The following SUSD5 variants were observed in gnomAD, a reference collection of about 807,000 sequenced individuals.
The protein encoded by SUSD5 is sushi domain containing 5.
In SUSD5, 33 loss-of-function variants were observed where a neutral mutation model predicts 29.5. The observed-to-expected ratio is 1.12, with a 90% confidence interval of 0.85 to 1.49. The LOEUF (loss-of-function observed/expected upper bound fraction) is 1.49. Among genes scored for constraint, SUSD5 ranks in the 40% most tolerant of loss-of-function variants. The pLI, the probability that SUSD5 is intolerant of heterozygous loss-of-function variation, is 0.00. For synonymous variants in SUSD5, 308 were observed against 325.3 expected (o/e 0.95, Z 0.57); for missense variants, 776 against 800.6 (o/e 0.97, Z 0.37).
At chr3:33,197,783 T>C (rs139676416) in intron 3 of SUSD5, among the ~76,000 whole-genome samples, 1 of 152,354 alleles carries the variant, frequency 6.6e-6, no homozygotes, top group East Asian at 1.9e-4. Context: ...TCATCCATGC[T>C]TTTGCATGTA....
intron 3 of SUSD5, among the ~76,000 whole-genome samples, chr3:33,183,897 T>C: frequency 6.6e-6 from 1 of 151,006 alleles, no homozygotes. Context: ...GGGGTTTTTT[T>C]TCCTCTTAAC....
chr3:33,165,174 A>G (rs2031278948), intron 4 of SUSD5, among the ~76,000 whole-genome samples: 2 of 152,236 alleles, frequency 1.3e-5, no homozygotes, highest in Non-Finnish European at 1.5e-5. Context: ...AGAATGGAAT[A>G]CTCCAAAGCA....
At chr3:33,203,116 C>A (rs942893164) in intron 3 of SUSD5, among the ~76,000 whole-genome samples, 3 of 152,226 alleles carry the variant, frequency 2.0e-5, no homozygotes, top group African/African-American at 7.2e-5. Flanking sequence ...TCTGCCAAGG[C>A]GCTGCACCTT....
At chr3:33,215,555 T>C (rs1190938897) in intron 1 of SUSD5, among the ~76,000 whole-genome samples, 1 of 152,186 alleles carries the variant, frequency 6.6e-6, no homozygotes, top group African/African-American at 2.4e-5. Flanking sequence ...TTATGACAAC[T>C]CTATGATATA....
chr3:33,202,863 A>G lies in SUSD5; in HGVS notation c.409+4945T>C, dbSNP rs116028065. 9.3e-4 allele frequency among the ~76,000 whole-genome samples: 142 copies of G among 151,942 alleles called. No homozygotes were observed. In the Middle Eastern group the frequency reaches 0.01, roughly 11 times the overall value. Reference sequence around the variant, plus strand: ...AACTTTATAAAGAAACACAGGAGGAAGCTGCCTGAACATTCCACAGGCTAT... The same window carrying G: ...AACTTTATAAAGAAACACAGGAGGAGGCTGCCTGAACATTCCACAGGCTAT... On this transcript the variant is annotated intron_variant, in intron 3 of 4. Transcript: ENST00000309558.
chr3:33,166,012 C>CAA (rs60528336), intron 4 of SUSD5, among the ~76,000 whole-genome samples: 71,019 of 118,586 alleles, frequency 0.6, 19,970 homozygotes, highest in Middle Eastern at 0.7. Flanking sequence ...CCCCCCTCTC[C>CAA]AAAAAAAAAA....
intron 3 of SUSD5, among the ~76,000 whole-genome samples, chr3:33,184,926 C>T (rs2031747851): frequency 6.6e-6 from 1 of 152,182 alleles, no homozygotes; most frequent in South Asian, 2.1e-4. Context: ...TGTTTTCAGT[C>T]TTTTCAAACT....
chr3:33,150,823 CAT>C lies in SUSD5; in HGVS notation c.*1917_*1918del, dbSNP rs1051657467. The C allele has an allele frequency of 1.3e-5, 2 of 152,114 alleles. No homozygotes were observed. Among genetic ancestry groups the C allele is most frequent in the African/African-American group, 4.8e-5 (2 of 41,410 alleles). 9.4% of individuals were successfully genotyped at this position (152,114 alleles called of 1,614,324 possible). On this transcript the variant is annotated 3_prime_UTR_variant, in exon 5 of 5. Coordinates refer to ENST00000309558, the MANE Select transcript of SUSD5 (RefSeq NM_015551.2). ...AAAACACCACCAACAATTTTTCAAT[CAT>C]AAAAAAGATCAGGATTTCCCTCTAC...
chr3:33,215,751 A>T (rs1305073997), intron 1 of SUSD5, among the ~76,000 whole-genome samples: 2 of 152,218 alleles, frequency 1.3e-5, no homozygotes, highest in Non-Finnish European at 2.9e-5. Flanking sequence ...TACAAAATAT[A>T]CTTCTAAATA....
intron 4 of SUSD5, among the ~76,000 whole-genome samples, chr3:33,163,336 G>A (rs542099356): frequency 3.9e-4 from 59 of 151,850 alleles, no homozygotes; most frequent in Non-Finnish European, 6.5e-4. Flanking sequence ...CGGTAAGCTG[G>A]GTTAAGCTTT....
At chr3:33,206,945 CAAG>C (rs1306145846) in intron 3 of SUSD5, among the ~76,000 whole-genome samples, 1 of 152,072 alleles carries the variant, frequency 6.6e-6, no homozygotes, top group Non-Finnish European at 1.5e-5. Context: ...AGTGTGCAGC[CAAG>C]AAGAACCTGT....
At chr3:33,183,047 G>T (rs1284880098) in intron 3 of SUSD5, among the ~76,000 whole-genome samples, 1 of 151,964 alleles carries the variant, frequency 6.6e-6, no homozygotes, top group African/African-American at 2.4e-5. Flanking sequence ...CACCCGCCTT[G>T]GCCTCCCAAA....
chr3:33,164,309 A>G (rs572320397), intron 4 of SUSD5, among the ~76,000 whole-genome samples: 1 of 152,354 alleles, frequency 6.6e-6, no homozygotes, highest in African/African-American at 2.4e-5. Flanking sequence ...AACAGAAAGT[A>G]GAATGGTGGT....
chr3:33,174,517 T>C lies in SUSD5; in HGVS notation c.598+369A>G, dbSNP rs1413629109. ...AGTCTTCCCAGCCCAGTTTACCAAT[T>C]GGGGGTCATTTTCACCAGAAGCAAT... On this transcript the variant is annotated intron_variant, in intron 4 of 4. Coordinates refer to ENST00000309558, the MANE Select transcript of SUSD5 (RefSeq NM_015551.2). 2.0e-5 allele frequency among the ~76,000 whole-genome samples: 3 copies of C among 152,022 alleles called. No homozygotes were observed. The East Asian group carries it at 5.8e-4, about 29-fold the overall frequency.
rs1032024190 is a variant in SUSD5 at position 33,167,583 on chromosome 3, C to T, written c.598+7303G>A. Among the ~76,000 whole-genome samples the T allele has an allele frequency of 4.4e-4, 67 of 152,144 alleles. No homozygotes were observed. The highest frequency in any genetic ancestry group is 1.4e-3 in the African/African-American group (60 of 41,438). On this transcript the variant is annotated intron_variant, in intron 4 of 4. Transcript: ENST00000309558. The surrounding 1 kb of genome is among the most constrained non-coding windows in gnomAD (Gnocchi z 4.1). The stretch of plus-strand genomic sequence containing the variant: ...TAAGCTCTTCCTGTCTCCCCAGGTT[C>T]GCAGGTCAAGGTCCTGACTTAAAAA...
intron 4 of SUSD5, among the ~76,000 whole-genome samples, chr3:33,174,153 C>T (rs2031493751): frequency 6.6e-6 from 1 of 152,148 alleles, no homozygotes; most frequent in Admixed American, 6.5e-5. Context: ...TCAGAAGGCT[C>T]CAGGCCAGGG....
In SUSD5 at chr3:33,152,737, G is replaced by T; in HGVS notation, c.*5C>A. 1 of 1,592,772 alleles carries T rather than the reference G, an allele frequency of 6.3e-7. No homozygotes were observed. Among genetic ancestry groups the T allele is most frequent in the Non-Finnish European group, 8.6e-7 (1 of 1,169,390 alleles). ...TGGCTTTGGGAGAACCCACTCCAAA[G>T]GTGCCTAGACCTTCTCCATCTCGAT... On this transcript the variant is annotated 3_prime_UTR_variant, in exon 5 of 5. Coordinates refer to ENST00000309558, the MANE Select transcript of SUSD5 (RefSeq NM_015551.2).
At chr3:33,218,662 C>T (rs2032468735) in intron 1 of SUSD5, 24 bp downstream of exon 1, 1 of 1,277,530 alleles carries the variant, frequency 7.8e-7, no homozygotes, top group Non-Finnish European at 9.9e-7. Flanking sequence ...CCACCCCCCG[C>T]CCCGCCGCCT....
At chr3:33,179,469 T>C (rs1000461841) in intron 3 of SUSD5, among the ~76,000 whole-genome samples, 26 of 152,190 alleles carry the variant, frequency 1.7e-4, no homozygotes, top group Admixed American at 1.6e-3. Context: ...CAAGGTTTGT[T>C]TGTTGAGCTT....
Sources: allele counts gnomAD v4.1 joint callset (sites outside exome capture counted in the v4.1 genomes callset), GRCh38; gene constraint gnomAD v4.1.1; non-coding constraint Gnocchi (gnomAD v3.1); transcripts MANE v1.5; gene names NCBI Gene and HGNC (gene_info 2026-07-23, HGNC 2026-07-21).